The following PALD1 variants were observed in gnomAD, a reference collection of about 807,000 sequenced individuals.
The protein encoded by PALD1 is paladin.
PALD1 carries 57 observed loss-of-function variants against 96.0 expected under a neutral mutation model. The observed-to-expected ratio is 0.59, with a 90% CI of 0.48 to 0.74. The LOEUF (loss-of-function observed/expected upper bound fraction) is 0.74. PALD1 is among the 30% of genes least tolerant of loss of function. PALD1 has a pLI of 0.00. For missense variants in PALD1, 1,063 were observed against 1,143.7 expected (o/e 0.93, Z 1.02); for synonymous variants, 464 against 473.6 (o/e 0.98, Z 0.26).
intron 18 of PALD1, 62 bp downstream of exon 18, chr10:70,547,508 A>ACTCCCT: frequency 1.8e-6 from 2 of 1,108,182 alleles, no homozygotes; most frequent in Non-Finnish European, 2.4e-6. Context: ...GTGCACAGCC[A>ACTCCCT]GGGAGTGGCT....
rs1178950971 is a variant in PALD1, at chr10:70,544,269, A to G, written c.2121+2735A>G. Among the ~76,000 whole-genome samples, 5 of 151,892 alleles carry G rather than the reference A, an allele frequency of 3.3e-5. No individual in the cohort carries two copies. The East Asian group carries it at 9.7e-4, about 29-fold the overall frequency. ...GTGTCTGGAGGGATCAAGTGTGCAAAGGAGGGATTCTGGAAAGGGCAGGAA... is the reference window on the plus strand; with the variant it reads ...GTGTCTGGAGGGATCAAGTGTGCAAGGGAGGGATTCTGGAAAGGGCAGGAA... On this transcript the variant is annotated intron_variant, in intron 17 of 19. Transcript: ENST00000263563.
chr10:70,534,366 C>T (rs948567809), intron 8 of PALD1, 59 bp from the exon 9 acceptor site: 17 of 1,163,560 alleles, frequency 1.5e-5, no homozygotes, highest in Middle Eastern at 2.1e-4. Flanking sequence ...AGACAGCAGG[C>T]GGGTGGCCGT....
At chr10:70,483,262 A>G (rs931700044) in intron 1 of PALD1, among the ~76,000 whole-genome samples, 1 of 152,140 alleles carries the variant, frequency 6.6e-6, no homozygotes, top group African/African-American at 2.4e-5. Context: ...GAGGTGTGAC[A>G]GCCCTTGTGA....
At chr10:70,529,637 G>A (rs1370538139) in intron 3 of PALD1, among the ~76,000 whole-genome samples, 1 of 151,976 alleles carries the variant, frequency 6.6e-6, no homozygotes, top group Non-Finnish European at 1.5e-5. Context: ...CCCACATGAA[G>A]CCCTCTCTGA....
At chr10:70,563,516 C>T (rs1847782580) in intron 18 of PALD1, among the ~76,000 whole-genome samples, 1 of 152,232 alleles carries the variant, frequency 6.6e-6, no homozygotes, top group South Asian at 2.1e-4. Flanking sequence ...CGATGCCCCA[C>T]AGCCTCCCCT....
the PALD1 span, among the ~76,000 whole-genome samples, chr10:70,464,524 C>T: frequency 1.3e-5 from 2 of 151,888 alleles, no homozygotes; most frequent in Non-Finnish European, 2.9e-5. Context: ...TGGCTTCTTT[C>T]ACTCATCATT....
In PALD1 at chr10:70,533,075, CTG is replaced by C. The variant is rs1564700412; in HGVS notation, c.870+6_870+7del. On this transcript the variant is annotated splice_donor_region_variant and intron_variant, in intron 7 of 19. Coordinates refer to ENST00000263563, the MANE Select transcript of PALD1 (RefSeq NM_014431.3). The stretch of plus-strand genomic sequence containing the variant: ...GCCTTTGTCAGTGTTCTCCGGGTAA[CTG>C]GGGCACGGGCGCGCATGGGGGAGGA... 3.3e-5 allele frequency: 52 copies of C among 1,573,728 alleles called. No homozygotes were observed. Among genetic ancestry groups the C allele is most frequent in the Non-Finnish European group, 3.7e-5 (43 of 1,158,786 alleles).
intron 1 of PALD1, among the ~76,000 whole-genome samples, chr10:70,507,469 G>T (rs758917424): frequency 2.1e-4 from 32 of 152,200 alleles, no homozygotes; most frequent in Non-Finnish European, 3.8e-4. Flanking sequence ...CTGTCACCCA[G>T]GCTGGAGTGC....
At chr10:70,538,840 C>G in intron 12 of PALD1, 52 bp from the exon 13 acceptor site, 1 of 1,504,062 alleles carries the variant, frequency 6.6e-7, no homozygotes, top group Middle Eastern at 1.7e-4. Flanking sequence ...CTGACCCTTT[C>G]TGCGGCTACA....
intron 18 of PALD1, among the ~76,000 whole-genome samples, chr10:70,561,403 G>T (rs746048888): frequency 6.6e-6 from 1 of 152,228 alleles, no homozygotes; most frequent in Admixed American, 6.5e-5. Context: ...CCAGGCTTTC[G>T]GATGGAGCTT....
chr10:70,477,000 CAT>C (rs1845834376), upstream of PALD1, among the ~76,000 whole-genome samples: 1 of 150,326 alleles, frequency 6.7e-6, no homozygotes, highest in African/African-American at 2.4e-5. Context: ...TATTTGTATA[CAT>C]ATATGTGCAT....
rs115907273 is a variant in PALD1 at position 70,541,653 on chromosome 10, T to C, written c.2121+119T>C. 9.2e-4 allele frequency: 669 copies of C among 724,958 alleles called. 5 individuals are homozygous for C. In the African/African-American group the frequency reaches 0.011, roughly 12 times the overall value. The allele number at this position is 724,958 out of a possible 1,614,324, so 44.9% of individuals were successfully genotyped here. A position where few individuals can be genotyped will look rare whatever the true frequency, so the allele number is the denominator to read the frequency against. On this transcript the variant is annotated intron_variant, in intron 17 of 19. Coordinates refer to ENST00000263563, the MANE Select transcript of PALD1 (RefSeq NM_014431.3). ...CAATGCAGTCACGTCTGCCACCTCA[T>C]CATATCAGTGCTTCCCTGTTCCCAT... is the stretch of plus-strand genomic sequence containing the variant.
intron 1 of PALD1, among the ~76,000 whole-genome samples, chr10:70,507,750 CGTGTGTGTGTGTGT>C (rs10579511): frequency 0.17 from 25,099 of 148,686 alleles, 2,373 homozygotes; most frequent in Admixed American, 0.23. Flanking sequence ...TTTGTGTGTG[CGTGTGTGTGTGTGT>C]GTGTGTGTGT....
intron 18 of PALD1, among the ~76,000 whole-genome samples, chr10:70,563,473 A>G (rs1009904217): frequency 3.9e-5 from 6 of 152,172 alleles, no homozygotes; most frequent in African/African-American, 1.4e-4. Context: ...GCCATTTCCC[A>G]TGAAGATGCT....
In PALD1 at chr10:70,537,914, C is replaced by CT; in HGVS notation, c.1323+9dup. On this transcript the variant is annotated intron_variant, in intron 11 of 19. Coordinates refer to ENST00000263563, the MANE Select transcript of PALD1 (RefSeq NM_014431.3). ...TACTACCTTCATGAGCAGGTGGGGCCTGGGAGGAGCAGACCCACGTCCCCT... is the reference window on the plus strand; with the variant it reads ...TACTACCTTCATGAGCAGGTGGGGCCTTGGGAGGAGCAGACCCACGTCCCCT... The CT allele has an allele frequency of 6.3e-7, 1 of 1,582,936 alleles. No individual in the cohort carries two copies. Among genetic ancestry groups the CT allele is most frequent in the South Asian group, 1.1e-5 (1 of 90,388 alleles).
chr10:70,530,978 A>G (rs1846978722), intron 4 of PALD1, among the ~76,000 whole-genome samples: 2 of 152,350 alleles, frequency 1.3e-5, no homozygotes, highest in Middle Eastern at 3.4e-3. Context: ...GATTTTGCCT[A>G]CGAGGAACCT....
intron 18 of PALD1, among the ~76,000 whole-genome samples, chr10:70,563,877 C>T (rs551886256): frequency 6.6e-6 from 1 of 152,336 alleles, no homozygotes; most frequent in South Asian, 2.1e-4. Context: ...GGCCACTGGT[C>T]AGAGCCCTCA....
intron 1 of PALD1, among the ~76,000 whole-genome samples, chr10:70,525,204 G>C (rs1412944744): frequency 6.6e-6 from 1 of 151,146 alleles, no homozygotes; most frequent in East Asian, 1.9e-4. Context: ...TAGAGATGGG[G>C]TTTCACCATG....
At chr10:70,529,795 C>G (rs187394645) in intron 3 of PALD1, 94 bp from the exon 4 acceptor site, 42 of 1,118,798 alleles carry the variant, frequency 3.8e-5, no homozygotes, top group African/African-American at 6.3e-5. Flanking sequence ...CCTATTTCCC[C>G]CCTCCCTGTC....
Sources: allele counts gnomAD v4.1 joint callset (sites outside exome capture counted in the v4.1 genomes callset), GRCh38; gene constraint gnomAD v4.1.1; transcripts MANE v1.5; gene names NCBI Gene and HGNC (gene_info 2026-07-23, HGNC 2026-07-21).